The following GRK5 variants were observed in gnomAD, a reference collection of about 807,000 sequenced individuals.
The protein encoded by GRK5 is g protein-coupled receptor kinase GRK5.
In GRK5, 40 loss-of-function variants were observed where a neutral mutation model predicts 78.4. That is an observed-to-expected ratio of 0.51 (90% CI 0.40 to 0.66). The LOEUF is 0.66. Ranked by LOEUF, GRK5 falls within the 30% of genes least tolerant of loss-of-function variation. GRK5 has a pLI of 0.00. For missense variants in GRK5, 598 were observed against 759.9 expected (o/e 0.79, Z 2.50); for synonymous variants, 289 against 296.8 (o/e 0.97, Z 0.27).
chr10:119,394,175 T>G (rs1204636068), intron 3 of GRK5, among the ~76,000 whole-genome samples: 3 of 146,950 alleles, frequency 2.0e-5, no homozygotes, highest in African/African-American at 7.6e-5. Flanking sequence ...TTTGAGTGTG[T>G]GTGTGGGTGT....
chr10:119,230,399 A>C (rs1010044054), intron 1 of GRK5, among the ~76,000 whole-genome samples: 1 of 152,188 alleles, frequency 6.6e-6, no homozygotes, highest in African/African-American at 2.4e-5. Flanking sequence ...ATGGACTTAC[A>C]GTTCTACGTG....
chr10:119,422,512 G>T (rs1852590357), intron 4 of GRK5, among the ~76,000 whole-genome samples: 1 of 152,226 alleles, frequency 6.6e-6, no homozygotes. Flanking sequence ...GCGAGTCACA[G>T]ATCTGGGATT....
intron 3 of GRK5, 78 bp downstream of exon 3, chr10:119,381,005 T>G: frequency 1.2e-6 from 1 of 868,904 alleles, no homozygotes; most frequent in Non-Finnish European, 1.9e-6. Context: ...AAAAAATAGA[T>G]CTCATGGGTT....
intron 3 of GRK5, among the ~76,000 whole-genome samples, chr10:119,382,717 C>T (rs915357965): frequency 2.0e-5 from 3 of 152,152 alleles, no homozygotes; most frequent in East Asian, 3.9e-4. Context: ...CCAGTGTTCT[C>T]ATACATTTTA....
At chr10:119,380,158 C>T (rs959395607) in intron 2 of GRK5, among the ~76,000 whole-genome samples, 2 of 152,090 alleles carry the variant, frequency 1.3e-5, no homozygotes, top group African/African-American at 2.4e-5. Flanking sequence ...TTCAAACTGC[C>T]CTAAACAAGG....
Position 119,380,811 on chromosome 10 carries a change from C to A in GRK5, c.149-4C>A. The stretch of plus-strand genomic sequence containing the variant: ...TCATCACATTCTTCTTTTCTTGTCT[C>A]CAGACAGAGATTACTGCAGTTTATG... On this transcript the variant is annotated splice_polypyrimidine_tract_variant and splice_region_variant and intron_variant, in intron 2 of 15. Transcript: ENST00000392870. 6.3e-7 allele frequency: 1 copy of A among 1,592,090 alleles called. No homozygotes were observed. Among genetic ancestry groups the A allele is most frequent in the East Asian group, 2.2e-5 (1 of 44,606 alleles).
At chr10:119,246,038 A>G (rs867123668) in intron 1 of GRK5, among the ~76,000 whole-genome samples, 1,933 of 146,534 alleles carry the variant, frequency 0.013, 17 homozygotes, top group Middle Eastern at 0.024. Flanking sequence ...AAAAAAAAAA[A>G]AAAAAAAGAA....
At chr10:119,366,343 C>T (rs939232313) in intron 2 of GRK5, among the ~76,000 whole-genome samples, 6 of 152,086 alleles carry the variant, frequency 3.9e-5, no homozygotes, top group Admixed American at 1.3e-4. Flanking sequence ...CTGGGCTCTA[C>T]AGGGGAGGCA....
intron 1 of GRK5, among the ~76,000 whole-genome samples, chr10:119,241,671 A>G (rs7914808): frequency 0.71 from 107,738 of 152,156 alleles, 43,198 homozygotes; most frequent in Non-Finnish European, 0.9. Flanking sequence ...GGCTGGGAAC[A>G]TGGTCTTTGC....
intron 1 of GRK5, among the ~76,000 whole-genome samples, chr10:119,233,811 G>A (rs1303865662): frequency 6.6e-6 from 1 of 152,154 alleles, no homozygotes; most frequent in Non-Finnish European, 1.5e-5. Flanking sequence ...CAGAGGGCCA[G>A]GTGTATTTGA....
At chr10:119,428,577 C>G (rs1852749247) in intron 6 of GRK5, among the ~76,000 whole-genome samples, 1 of 152,148 alleles carries the variant, frequency 6.6e-6, no homozygotes, top group Admixed American at 6.5e-5. Flanking sequence ...GAACCTGAAC[C>G]CAGAGGCCCC....
intron 15 of GRK5, among the ~76,000 whole-genome samples, chr10:119,453,832 A>C (rs1254943507): frequency 6.6e-6 from 1 of 152,226 alleles, no homozygotes; most frequent in African/African-American, 2.4e-5. Context: ...GCCCCCATCC[A>C]ATGCTGTGCC....
rs374594558 is a variant in GRK5 at position 119,258,520 on chromosome 10, G to A, written c.52+50551G>A. On this transcript the variant is annotated intron_variant, in intron 1 of 15. Transcript: ENST00000392870. ...AAACCTGCAAGCTGCTTTCCAAAGAGCTGTACCGTCTTGCATTCTCAACAG... is the reference window on the plus strand; with the variant it reads ...AAACCTGCAAGCTGCTTTCCAAAGAACTGTACCGTCTTGCATTCTCAACAG... Among the ~76,000 whole-genome samples the A allele has an allele frequency of 1.4e-4, 22 of 152,332 alleles. No homozygotes were observed. In the East Asian group the frequency reaches 3.3e-3, roughly 23 times the overall value.
At chr10:119,224,151 G>T (rs1848698747) in intron 1 of GRK5, among the ~76,000 whole-genome samples, 1 of 152,104 alleles carries the variant, frequency 6.6e-6, no homozygotes, top group South Asian at 2.1e-4. Context: ...CTGGGCAACA[G>T]AGTGAGACCC....
At chr10:119,400,637 C>G (rs1294444525) in intron 4 of GRK5, among the ~76,000 whole-genome samples, 1 of 152,132 alleles carries the variant, frequency 6.6e-6, no homozygotes, top group Non-Finnish European at 1.5e-5. Context: ...GGGGGCCCCT[C>G]TGAGCTGTAG....
intron 3 of GRK5, among the ~76,000 whole-genome samples, chr10:119,392,195 T>C (rs754664401): frequency 1.3e-5 from 2 of 152,222 alleles, no homozygotes; most frequent in Non-Finnish European, 2.9e-5. Context: ...ATGTTTCCAC[T>C]CTTTGGAAGG....
intron 6 of GRK5, among the ~76,000 whole-genome samples, chr10:119,425,420 G>A (rs1252757363): frequency 6.6e-6 from 1 of 152,166 alleles, no homozygotes; most frequent in Admixed American, 6.5e-5. Flanking sequence ...ATTTAATCCA[G>A]TGCCCTGTTG....
At chr10:119,327,984 A>T (rs1007817164) in intron 2 of GRK5, among the ~76,000 whole-genome samples, 1 of 152,220 alleles carries the variant, frequency 6.6e-6, no homozygotes, top group Non-Finnish European at 1.5e-5. Context: ...TGCTGGCCAC[A>T]TGACAAGTTA....
At chr10:119,268,028 T>G (rs963709237) in intron 1 of GRK5, among the ~76,000 whole-genome samples, 1 of 152,152 alleles carries the variant, frequency 6.6e-6, no homozygotes, top group African/African-American at 2.4e-5. Context: ...TGGAGCCCAC[T>G]GGGGTTTGGG....
Sources: gnomAD v4.1 joint callset for allele counts (sites outside exome capture counted in the v4.1 genomes callset) on GRCh38, gnomAD v4.1.1 for gene constraint, MANE v1.5 for transcripts, NCBI Gene and HGNC (gene_info 2026-07-23, HGNC 2026-07-21) for gene names.